The following ATG4B variants were observed in gnomAD, a reference collection of about 807,000 sequenced individuals.
ATG4B encodes the protein cysteine protease ATG4B.
In ATG4B, 29 loss-of-function variants were observed where a neutral mutation model predicts 56.6. The observed-to-expected ratio is 0.51, with a 90% CI of 0.38 to 0.70. The LOEUF is 0.70. ATG4B is among the 30% of genes least tolerant of loss of function. ATG4B has a pLI of 0.00. For missense variants in ATG4B, 461 were observed against 515.5 expected, an observed-to-expected ratio of 0.89 and a Z score of 1.02; for synonymous variants, 224 against 206.1, an observed-to-expected ratio of 1.09 and a Z score of -0.74.
chr2:241,668,587 G>A lies in ATG4B; in HGVS notation c.859G>A (p.Glu287Lys). 1 of 1,607,008 alleles carries A rather than the reference G, an allele frequency of 6.2e-7. No homozygotes were observed. Among genetic ancestry groups the A allele is most frequent in the Non-Finnish European group, 8.5e-7 (1 of 1,177,828 alleles). The change falls in exon 10 of 13, where the codon GAG becomes AAG. Residue 287 changes from glutamate (E) to lysine (K), a missense_variant. Transcript: ENST00000404914. The surrounding 1 kb of genome is among the most constrained non-coding windows in gnomAD (Gnocchi z 4.2). ...LDPHTTQPAV[E>K]PTDGCFIPDE... The stretch of plus-strand genomic sequence containing the variant: ...CCCCCACACCACGCAGCCAGCCGTG[G>A]AGCCCACTGATGGCTGCTTCATCCC...
intron 11 of ATG4B, 72 bp downstream of exon 11, chr2:241,670,854 C>G: frequency 6.9e-7 from 1 of 1,443,918 alleles, no homozygotes; most frequent in Non-Finnish European, 9.5e-7. Context: ...GTGCAGGGGT[C>G]GAAGGCCTGC....
intron 1 of ATG4B, 143 bp downstream of exon 1, chr2:241,637,867 A>G (rs1575046918): frequency 4.1e-6 from 2 of 484,736 alleles, no homozygotes; most frequent in Non-Finnish European, 5.6e-6. Flanking sequence ...GCGCTGCGGG[A>G]GCGCGGGGCG....
chr2:241,671,739 C>T, intron 12 of ATG4B: 11 of 1,305,688 alleles, frequency 8.4e-6, no homozygotes, highest in Non-Finnish European at 1.1e-5. Context: ...GGGACTGGTT[C>T]ACTTGGGCAC....
chr2:241,656,042 C>T (rs1559259931), intron 6 of ATG4B, among the ~76,000 whole-genome samples: 1 of 152,160 alleles, frequency 6.6e-6, no homozygotes, highest in Non-Finnish European at 1.5e-5. Context: ...TCAGGGTCTC[C>T]TCCCCACTGG....
intron 1 of ATG4B, among the ~76,000 whole-genome samples, chr2:241,645,209 A>G (rs1334111614): frequency 6.6e-6 from 1 of 152,144 alleles, no homozygotes; most frequent in Non-Finnish European, 1.5e-5. Context: ...AGTACAGGGA[A>G]GACCTCCTCA....
intron 1 of ATG4B, among the ~76,000 whole-genome samples, chr2:241,640,678 C>T (rs1001555625): frequency 1.3e-5 from 2 of 152,116 alleles, no homozygotes; most frequent in African/African-American, 4.8e-5. Context: ...GGAATTGTAG[C>T]CAGGATGGCC....
At position 241,666,763 on chromosome 2, in the gene ATG4B, G is replaced by C; in HGVS notation, c.657G>C (p.Trp219Cys). 1 of 1,600,874 alleles carries C rather than the reference G, an allele frequency of 6.2e-7. No homozygotes were observed. Among genetic ancestry groups the C allele is most frequent in the Non-Finnish European group, 8.5e-7 (1 of 1,173,706 alleles). The stretch of plus-strand genomic sequence containing the variant: ...AGGTCACCAACAGGCCGTCGCCATG[G>C]AGACCCCTGGTACTTCTCATTCCCC... ...GAEVTNRPSP[W>C]RPLVLLIPLR... The change falls in exon 8 of 13, where the codon TGG (tryptophan) becomes TGC (cysteine). Residue 219 changes from tryptophan (W) to cysteine (C), a missense_variant. By Grantham distance (215) the Trp-to-Cys change is radical. Coordinates refer to ENST00000404914, the MANE Select transcript of ATG4B (RefSeq NM_013325.5).
rs1222222087 is a variant in ATG4B, at chr2:241,672,458, C to CA, written c.*195dup. 1.6e-6 allele frequency: 1 copy of CA among 607,702 alleles called. No homozygotes were observed. The highest frequency in any genetic ancestry group is 2.0e-5 in the South Asian group (1 of 50,866). The allele number at this position is 607,702 out of a possible 1,614,324, so 37.6% of individuals were successfully genotyped here. On this transcript the variant is annotated 3_prime_UTR_variant, in exon 13 of 13. Transcript: ENST00000404914. ...CTGCTTGGTGTCAGACTGCCCAGCT[C>CA]AGAGTGCCCGTCAGGGCCTGTGCAT...
intron 6 of ATG4B, among the ~76,000 whole-genome samples, chr2:241,656,330 C>A (rs2068404214): frequency 6.6e-6 from 1 of 152,142 alleles, no homozygotes; most frequent in African/African-American, 2.4e-5. Context: ...GTCCCACATC[C>A]CCAGCCTGCT....
At chr2:241,638,400 G>T (rs1559242779) in intron 1 of ATG4B, 1 of 151,970 alleles carries the variant, frequency 6.6e-6, no homozygotes. Context: ...GGGAGTGTTG[G>T]TTTTTTTCCT....
At chr2:241,671,470 C>A in intron 12 of ATG4B, 65 bp downstream of exon 12, 1 of 1,586,944 alleles carries the variant, frequency 6.3e-7, no homozygotes, top group Non-Finnish European at 8.6e-7. Flanking sequence ...CTTCCCCAGT[C>A]CTGGCCCCCT....
At position 241,641,095 on chromosome 2, in the gene ATG4B, G is replaced by C. The variant is rs142862534; in HGVS notation, c.10+3371G>C. Among the ~76,000 whole-genome samples, 695 of 152,338 alleles carry C rather than the reference G, an allele frequency of 4.6e-3. 2 individuals carry two copies. Among genetic ancestry groups the C allele is most frequent in the African/African-American group, 0.016 (656 of 41,578 alleles). On this transcript the variant is annotated intron_variant, in intron 1 of 12. Coordinates refer to ENST00000404914, the MANE Select transcript of ATG4B (RefSeq NM_013325.5). ...AGACTGTTGAACAAGCCAGCAAGGA[G>C]ATGCCAGTGGATTAGCTCAGGGTGG...
At chr2:241,666,585 G>T (rs889623944) in intron 7 of ATG4B, 60 bp from the exon 8 acceptor site, 3 of 1,556,972 alleles carry the variant, frequency 1.9e-6, no homozygotes, top group Non-Finnish European at 2.6e-6. Flanking sequence ...TTGCTTGCTT[G>T]TTGTGGGAGC....
chr2:241,663,489 C>T (rs1038782104), intron 7 of ATG4B, among the ~76,000 whole-genome samples: 5 of 152,110 alleles, frequency 3.3e-5, no homozygotes, highest in African/African-American at 4.8e-5. Flanking sequence ...GTGTAGAGAC[C>T]GTAACTATGT....
intron 7 of ATG4B, chr2:241,659,668 C>G (rs368562761): frequency 3.5e-6 from 1 of 282,094 alleles, no homozygotes; most frequent in Non-Finnish European, 7.0e-6. Context: ...ACATTTACAT[C>G]TAGGAGGAAA....
chr2:241,651,959 A>G lies in ATG4B; in HGVS notation c.184+624A>G, dbSNP rs531044440. The G allele has an allele frequency of 2.3e-6, 3 of 1,304,054 alleles. No individual in the cohort carries two copies. The East Asian group carries it at 1.7e-4, about 72-fold the overall frequency. 80.8% of individuals were successfully genotyped at this position (1,304,054 alleles called of 1,614,324 possible). On this transcript the variant is annotated intron_variant, in intron 3 of 12. Transcript: ENST00000404914. This position sits in a 1 kb window ranked among gnomAD's most constrained non-coding sequence, Gnocchi z 4.1. ...TCTCAGCCTTGCCTCTCACCGGCGG[A>G]GAACTGAGGCCGGAGGTGAGGGCCG...
At chr2:241,664,690 C>T (rs1331274304) in intron 7 of ATG4B, among the ~76,000 whole-genome samples, 1 of 152,092 alleles carries the variant, frequency 6.6e-6, no homozygotes, top group Non-Finnish European at 1.5e-5. Flanking sequence ...TGAGGCCAGG[C>T]ACATGGCTCA....
At chr2:241,649,824 C>T (rs1392290383) in intron 1 of ATG4B, among the ~76,000 whole-genome samples, 1 of 147,750 alleles carries the variant, frequency 6.8e-6, no homozygotes, top group Non-Finnish European at 1.5e-5. Flanking sequence ...ACTCTTGTCA[C>T]CCAGGCTGGA....
In ATG4B at chr2:241,651,922, A is replaced by G. The variant is rs1238766045; in HGVS notation, c.184+587A>G. On this transcript the variant is annotated intron_variant, in intron 3 of 12. Transcript: ENST00000404914. The surrounding 1 kb of genome is among the most constrained non-coding windows in gnomAD (Gnocchi z 4.1). ...TTGTATACCCTGGAGCTGGAAGGAG[A>G]TGGGGACTGGTTCTCAGCCTTGCCT... is the stretch of plus-strand genomic sequence containing the variant. 1 of 1,304,050 alleles carries G rather than the reference A, an allele frequency of 7.7e-7. No homozygotes were observed. 80.8% of individuals were successfully genotyped at this position (1,304,050 alleles called of 1,614,324 possible). A position where few individuals can be genotyped will look rare whatever the true frequency, so the allele number is the denominator to read the frequency against.
Sources: gnomAD v4.1 joint callset for allele counts (sites outside exome capture counted in the v4.1 genomes callset) on GRCh38, gnomAD v4.1.1 for gene constraint, Gnocchi (gnomAD v3.1) non-coding constraint, MANE v1.5 for transcripts, NCBI Gene and HGNC (gene_info 2026-07-23, HGNC 2026-07-21) for gene names.